The following CYBB variants were observed in gnomAD, a reference collection of about 807,000 sequenced individuals.
CYBB encodes the protein cytochrome b-245 beta chain.
In CYBB, 5 loss-of-function variants were observed where a neutral mutation model predicts 46.5. That is an observed-to-expected ratio of 0.11 (90% CI 0.06 to 0.23). The LOEUF (loss-of-function observed/expected upper bound fraction) is 0.23, where lower values mean the gene tolerates loss of function less well. Among genes scored for constraint, CYBB ranks in the 10% least tolerant of loss-of-function variants. The pLI, the probability that CYBB is intolerant of heterozygous loss-of-function variation, is 1.00. For synonymous variants in CYBB, 183 were observed against 156.7 expected (o/e 1.17, Z -1.26); for missense variants, 307 against 428.3 (o/e 0.72, Z 2.50).
At chrX:37,801,414 C>A in intron 8 of CYBB, 66 bp downstream of exon 8, 1 of 690,454 alleles carries the variant, frequency 1.4e-6, no homozygotes, top group Non-Finnish European at 2.4e-6. Flanking sequence ...GTCTTCCCAA[C>A]TCCTCTATAT....
At chrX:37,803,481 C>T (rs1929488897) in intron 8 of CYBB, among the ~76,000 whole-genome samples, 2 of 110,848 alleles carry the variant, frequency 1.8e-5, no homozygotes, top group African/African-American at 6.6e-5. Context: ...TAACTGCATG[C>T]AGAAGGTTTC....
intron 5 of CYBB, 103 bp from the exon 6 acceptor site, chrX:37,795,848 A>G (rs1929288881): frequency 5.0e-6 from 3 of 602,264 alleles, no homozygotes; most frequent in East Asian, 3.5e-5. Context: ...ACACTTTATA[A>G]TAGTCCTGCA....
chrX:37,791,278 T>C (rs1929191748), intron 3 of CYBB, among the ~76,000 whole-genome samples: 1 of 111,259 alleles, frequency 9.0e-6, no homozygotes, highest in African/African-American at 3.3e-5. Context: ...ATTGTAAGAA[T>C]TAAAGAGTTA....
chrX:37,795,226 G>C (rs1006874970), intron 5 of CYBB, among the ~76,000 whole-genome samples: 2 of 111,483 alleles, frequency 1.8e-5, no homozygotes, highest in Non-Finnish European at 3.8e-5. Flanking sequence ...GAAGGTTGGT[G>C]GGGGGTGGCT....
At chrX:37,780,703 G>A (rs1295149523) in intron 1 of CYBB, among the ~76,000 whole-genome samples, 1 of 108,384 alleles carries the variant, frequency 9.2e-6, no homozygotes, top group Non-Finnish European at 1.9e-5. Flanking sequence ...TCATAAATAT[G>A]TAGTATGTAT....
At chrX:37,795,608 A>G (rs1290708272) in intron 5 of CYBB, among the ~76,000 whole-genome samples, 1 of 111,850 alleles carries the variant, frequency 8.9e-6, no homozygotes, top group African/African-American at 3.3e-5. Context: ...TCAAAGGGAG[A>G]AAGAGCCTTC....
Position 37,782,231 on chromosome X carries a change from C to G in CYBB, c.141+48C>G, listed in dbSNP as rs7059081. On this transcript the variant is annotated intron_variant, in intron 2 of 12. Coordinates refer to ENST00000378588, the MANE Select transcript of CYBB (RefSeq NM_000397.4). ...GCAATATTGGCTGGTTCACATTTCT[C>G]ATCAGACATTCTTGTTCATCTTCCT... The G allele has an allele frequency of 0.066, 55,996 of 842,855 alleles. 1,519 individuals are homozygous for G. Among genetic ancestry groups the G allele is most frequent in the Non-Finnish European group, 0.081 (45,759 of 562,384 alleles). The allele number at this position is 842,855 out of a possible 1,213,427, so 69.5% of individuals were successfully genotyped here. A position where few individuals can be genotyped will look rare whatever the true frequency, so the allele number is the denominator to read the frequency against.
intron 1 of CYBB, among the ~76,000 whole-genome samples, chrX:37,781,132 G>A (rs1602173893): frequency 8.9e-6 from 1 of 112,429 alleles, no homozygotes; most frequent in Non-Finnish European, 1.9e-5. Flanking sequence ...GAATTCTTCC[G>A]AGTATTCGAA....
chrX:37,790,946 TC>T (rs1556466801), intron 3 of CYBB, among the ~76,000 whole-genome samples: 1 of 111,826 alleles, frequency 8.9e-6, no homozygotes, highest in Non-Finnish European at 1.9e-5. Context: ...AAGCTCTAAT[TC>T]AACCATAAAT....
At chrX:37,787,165 G>T (rs1281936225) in intron 3 of CYBB, among the ~76,000 whole-genome samples, 1 of 111,735 alleles carries the variant, frequency 8.9e-6, no homozygotes, top group African/African-American at 3.3e-5. Context: ...ATTATAAACA[G>T]TGCTATGCAA....
At chrX:37,795,226 GGGGGGT>G (rs1929276210) in intron 5 of CYBB, among the ~76,000 whole-genome samples, 1 of 111,483 alleles carries the variant, frequency 9.0e-6, no homozygotes, top group East Asian at 2.8e-4. Flanking sequence ...GAAGGTTGGT[GGGGGGT>G]GGCTGAATGG....
intron 7 of CYBB, 96 bp from the exon 8 acceptor site, chrX:37,801,160 A>G (rs781948097): frequency 5.1e-6 from 3 of 585,622 alleles, no homozygotes; most frequent in East Asian, 3.3e-5. Flanking sequence ...CAAGCCTACA[A>G]AGATTAACTT....
chrX:37,804,051 G>A lies in CYBB; in HGVS notation c.1072G>A (p.Val358Ile), dbSNP rs781992322. 2.5e-5 allele frequency: 30 copies of A among 1,208,990 alleles called. No individual in the cohort carries two copies. Among genetic ancestry groups the A allele is most frequent in the South Asian group, 5.3e-5 (3 of 56,810 alleles). Residue 358 changes from valine to isoleucine, a missense_variant, in exon 9 of 13, where the codon GTT (valine) becomes ATT (isoleucine). Transcript: ENST00000378588. ...CTTCTTTAGTATCCATATCCGCATC[G>A]TTGGGGACTGGACAGAGGGGCTGTT... ...EDFFSIHIRI[V>I]GDWTEGLFNA...
rs150569093 is a variant in CYBB at position 37,805,983 on chromosome X, C to A, written c.1315-404C>A. 4.8e-3 allele frequency among the ~76,000 whole-genome samples: 535 copies of A among 111,805 alleles called. 1 individual carries two copies. The highest frequency in any genetic ancestry group is 6.6e-3 in the Non-Finnish European group (350 of 53,095). On this transcript the variant is annotated intron_variant, in intron 10 of 12. Transcript: ENST00000378588. ...AGATGTGCATAGAACCTTATTTTTC[C>A]CCTCGGAACTCATGAATGTCTGGCA... is the stretch of plus-strand genomic sequence containing the variant.
At position 37,810,703 on chromosome X, in the gene CYBB, G is replaced by A. The variant is rs946228680; in HGVS notation, c.1587-88G>A. On this transcript the variant is annotated intron_variant, in intron 12 of 12. Coordinates refer to ENST00000378588, the MANE Select transcript of CYBB (RefSeq NM_000397.4). ...GGAGCAGAGGGGACTCTGCCCTGGG[G>A]CCTCAAATTAACGGGAAATTCACCT... The A allele has an allele frequency of 3.1e-6, 3 of 974,626 alleles. No homozygotes were observed. In the Admixed American group the frequency reaches 6.7e-5, roughly 22 times the overall value. The allele number at this position is 974,626 out of a possible 1,213,427, so 80.3% of individuals were successfully genotyped here.
intron 7 of CYBB, among the ~76,000 whole-genome samples, chrX:37,799,498 T>C (rs187999581): frequency 1.9e-4 from 21 of 111,500 alleles, no homozygotes; most frequent in Admixed American, 4.8e-4. Flanking sequence ...ATACTTTCTA[T>C]ACAGCTTTCC....
intron 3 of CYBB, among the ~76,000 whole-genome samples, chrX:37,787,356 AAGT>A (rs1268136419): frequency 8.9e-6 from 1 of 112,044 alleles, no homozygotes; most frequent in Admixed American, 9.4e-5. Flanking sequence ...AGTGTACAAA[AAGT>A]AGAGCTTTTG....
chrX:37,807,723 C>A (rs781915747), intron 11 of CYBB, among the ~76,000 whole-genome samples: 1 of 110,905 alleles, frequency 9.0e-6, no homozygotes, highest in Non-Finnish European at 1.9e-5. Context: ...GATATATATG[C>A]ATGTATGTGT....
chrX:37,805,970 A>T (rs1929553012), intron 10 of CYBB, among the ~76,000 whole-genome samples: 1 of 112,136 alleles, frequency 8.9e-6, no homozygotes, highest in Admixed American at 9.4e-5. Context: ...ATGTGCATAG[A>T]ACCTTATTTT....
Sources: allele counts gnomAD v4.1 joint callset (sites outside exome capture counted in the v4.1 genomes callset), GRCh38; gene constraint gnomAD v4.1.1; transcripts MANE v1.5; gene names NCBI Gene and HGNC (gene_info 2026-07-23, HGNC 2026-07-21).